The following SNX29 variants were observed in gnomAD, a reference collection of about 807,000 sequenced individuals.
SNX29 encodes sorting nexin-29.
SNX29 carries 78 observed loss-of-function variants against 102.1 expected under a neutral mutation model. The observed-to-expected ratio is 0.76, with a 90% CI of 0.64 to 0.92. The LOEUF is 0.92. Ranked by LOEUF, SNX29 falls within the 40% of genes least tolerant of loss-of-function variation. The pLI, the probability that SNX29 is intolerant of heterozygous loss-of-function variation, is 0.00. For synonymous variants in SNX29, 580 were observed against 414.5 expected (o/e 1.40, Z -4.85); for missense variants, 1,280 against 1,061.7 (o/e 1.21, Z -2.86).
intron 13 of SNX29, among the ~76,000 whole-genome samples, chr16:12,148,993 C>A (rs574037271): frequency 2.6e-5 from 4 of 152,140 alleles, no homozygotes; most frequent in African/African-American, 7.2e-5. Context: ...TGAGCCACCA[C>A]GCCCGGCCTG....
chr16:12,399,936 C>G (rs537344544), intron 17 of SNX29, among the ~76,000 whole-genome samples: 14 of 152,130 alleles, frequency 9.2e-5, no homozygotes, highest in Non-Finnish European at 1.5e-4. Context: ...AGAGGGGAGT[C>G]CCAGACACGA....
intron 20 of SNX29, among the ~76,000 whole-genome samples, chr16:12,562,813 C>G (rs12931055): frequency 6.6e-6 from 1 of 151,906 alleles, no homozygotes; most frequent in Non-Finnish European, 1.5e-5. Flanking sequence ...CAACTCCTTT[C>G]CCCCCAAATT....
At position 12,048,229 on chromosome 16, in the gene SNX29, C is replaced by T. The variant is rs116134111; in HGVS notation, c.500-143C>T. 838 of 1,213,148 alleles carry T rather than the reference C, an allele frequency of 6.9e-4. 6 individuals are homozygous for T. The African/African-American group carries it at 0.011, about 16-fold the overall frequency. 75.1% of individuals were successfully genotyped at this position (1,213,148 alleles called of 1,614,324 possible). A position where few individuals can be genotyped will look rare whatever the true frequency, so the allele number is the denominator to read the frequency against. On this transcript the variant is annotated intron_variant, in intron 6 of 20. Transcript: ENST00000566228. ...GTGGCGCGATTTTCGCTCCCTGCAA[C>T]GTCCGCATGGGAGGTATTTTTATAC...
At position 12,119,840 on chromosome 16, in the gene SNX29, C is replaced by T. The variant is rs141643557; in HGVS notation, c.1403-6793C>T. ...GGTCTCTGTTGCCTCATTCAGACAG[C>T]AAGTGTAATCATGCTTGCTTCTCAG... On this transcript the variant is annotated intron_variant, in intron 11 of 20. Transcript: ENST00000566228. Among the ~76,000 whole-genome samples the T allele has an allele frequency of 5.7e-3, 871 of 152,324 alleles. 8 individuals carry two copies. The highest frequency in any genetic ancestry group is 0.02 in the African/African-American group (831 of 41,572).
intron 1 of SNX29, among the ~76,000 whole-genome samples, chr16:11,981,780 A>T (rs2150960282): frequency 6.6e-6 from 1 of 152,308 alleles, no homozygotes; most frequent in East Asian, 1.9e-4. Flanking sequence ...AACTAAGATG[A>T]CCATTAATTG....
Position 12,569,076 on chromosome 16 carries a change from C to T in SNX29, c.*447C>T, listed in dbSNP as rs1441396031. 2.2e-5 allele frequency: 4 copies of T among 183,166 alleles called. No homozygotes were observed. The highest frequency in any genetic ancestry group is 1.8e-4 in the Admixed American group (2 of 11,120). The allele number at this position is 183,166 out of a possible 1,614,324, so 11.3% of individuals were successfully genotyped here. On this transcript the variant is annotated 3_prime_UTR_variant, in exon 21 of 21. Transcript: ENST00000566228. ...GAATGACTATTAGCCTCTCCTTTTG[C>T]TTTTTAAGGTTATTACCTGGCCTAA...
chr16:12,237,473 G>A (rs771964137), intron 14 of SNX29, among the ~76,000 whole-genome samples: 5 of 152,206 alleles, frequency 3.3e-5, no homozygotes, highest in Non-Finnish European at 7.3e-5. Flanking sequence ...CCCTGGATAG[G>A]ATTTAGATGG....
intron 9 of SNX29, among the ~76,000 whole-genome samples, chr16:12,066,763 G>T (rs1244981925): frequency 6.6e-6 from 1 of 151,748 alleles, no homozygotes; most frequent in Non-Finnish European, 1.5e-5. Context: ...GGGGGCTGAG[G>T]GAGGGGTTCC....
intron 13 of SNX29, among the ~76,000 whole-genome samples, chr16:12,166,161 G>A (rs898131925): frequency 6.6e-6 from 1 of 152,202 alleles, no homozygotes; most frequent in African/African-American, 2.4e-5. Context: ...TGCCAAAGTG[G>A]ATACATTAAT....
intron 14 of SNX29, among the ~76,000 whole-genome samples, chr16:12,273,481 C>T (rs112227754): frequency 0.015 from 2,213 of 151,956 alleles, 58 homozygotes; most frequent in African/African-American, 0.051. Flanking sequence ...GCCTCAGCCT[C>T]CCGAGTAGTT....
chr16:12,379,277 T>C (rs867854278), intron 16 of SNX29, among the ~76,000 whole-genome samples: 9 of 152,328 alleles, frequency 5.9e-5, no homozygotes, highest in Admixed American at 3.9e-4. Context: ...GCTGTGACCA[T>C]GCCTGGCTAA....
Position 12,208,634 on chromosome 16 carries a change from T to C in SNX29, c.1678+8951T>C, listed in dbSNP as rs368406635. On this transcript the variant is annotated intron_variant, in intron 14 of 20. Coordinates refer to ENST00000566228, the MANE Select transcript of SNX29 (RefSeq NM_032167.5). ...CTTCAGGGAGCCATGACTGTGCCAC[T>C]GCACTGTAGTCTGGATGACGGAGCA... Among the ~76,000 whole-genome samples, 39 of 152,174 alleles carry C rather than the reference T, an allele frequency of 2.6e-4. 1 individual carries two copies. The South Asian group carries it at 7.5e-3, about 29-fold the overall frequency.
At chr16:11,986,053 C>T (rs1034949888) in intron 1 of SNX29, among the ~76,000 whole-genome samples, 33 of 152,102 alleles carry the variant, frequency 2.2e-4, no homozygotes, top group African/African-American at 6.7e-4. Context: ...GATTCACTGA[C>T]CTCGGGCTCC....
At chr16:12,312,626 T>C (rs1349675319) in intron 15 of SNX29, among the ~76,000 whole-genome samples, 1 of 151,858 alleles carries the variant, frequency 6.6e-6, no homozygotes, top group African/African-American at 2.4e-5. Flanking sequence ...TCGTACTTCA[T>C]CTCCCCCTCC....
intron 18 of SNX29, among the ~76,000 whole-genome samples, chr16:12,435,967 T>C (rs1868735391): frequency 6.6e-6 from 1 of 152,222 alleles, no homozygotes; most frequent in Non-Finnish European, 1.5e-5. Context: ...TTACTTCCCG[T>C]AGGCCCAGGG....
intron 3 of SNX29, among the ~76,000 whole-genome samples, chr16:12,011,751 C>G (rs2151058602): frequency 1.3e-5 from 2 of 152,232 alleles, no homozygotes; most frequent in Admixed American, 1.3e-4. Flanking sequence ...GTCAGATATA[C>G]TTACCTTCAT....
At chr16:12,240,264 C>A (rs1046078835) in intron 14 of SNX29, among the ~76,000 whole-genome samples, 1 of 152,198 alleles carries the variant, frequency 6.6e-6, no homozygotes, top group Admixed American at 6.5e-5. Context: ...CTTTAAGATT[C>A]TTGGCAAAGA....
Position 12,530,257 on chromosome 16 carries a change from C to T in SNX29, c.2318+5416C>T, listed in dbSNP as rs116033505. 8.9e-3 allele frequency among the ~76,000 whole-genome samples: 1,348 copies of T among 152,300 alleles called. 18 individuals are homozygous for T. Among genetic ancestry groups the T allele is most frequent in the African/African-American group, 0.031 (1,286 of 41,554 alleles). ...AGTGGTCTTTTAGGAGCTTTTAGAA[C>T]AGCGCATCACACATAGTAAGCACTG... is the stretch of plus-strand genomic sequence containing the variant. On this transcript the variant is annotated intron_variant, in intron 20 of 20. Coordinates refer to ENST00000566228, the MANE Select transcript of SNX29 (RefSeq NM_032167.5).
chr16:12,064,755 C>A (rs2050946410), intron 9 of SNX29, among the ~76,000 whole-genome samples: 1 of 152,236 alleles, frequency 6.6e-6, no homozygotes, highest in Non-Finnish European at 1.5e-5. Flanking sequence ...GGTGCCAAGA[C>A]TCTGCCTGCC....
Sources: allele counts gnomAD v4.1 joint callset (sites outside exome capture counted in the v4.1 genomes callset), GRCh38; gene constraint gnomAD v4.1.1; transcripts MANE v1.5; gene names NCBI Gene and HGNC (gene_info 2026-07-23, HGNC 2026-07-21).